The following AHI1 variants were observed in gnomAD, a reference collection of about 807,000 sequenced individuals.
AHI1 encodes Abelson helper integration site 1, also known as jouberin.
A neutral mutation model predicts 149.3 loss-of-function variants in AHI1; 123 were observed. That is an observed-to-expected ratio of 0.82 (90% confidence interval 0.71 to 0.96). AHI1 has a LOEUF of 0.96. Ranked by LOEUF, AHI1 falls within the 40% of genes least tolerant of loss-of-function variation. The probability of loss-of-function intolerance (pLI) is 0.00; values close to 1 mark genes in which losing one functional copy is unlikely to be tolerated. For synonymous variants in AHI1, 475 were observed against 459.8 expected (o/e 1.03, Z -0.42); for missense variants, 1,439 against 1,422.7 (o/e 1.01, Z -0.18).
chr6:135,306,851 G>A (rs1187033064), intron 26 of AHI1: 2 of 152,224 alleles, frequency 1.3e-5, no homozygotes, highest in African/African-American at 4.8e-5. Flanking sequence ...GAGAGGCCCG[G>A]TTTGAGAAGA....
chr6:135,393,305 T>G (rs922145248), intron 23 of AHI1, among the ~76,000 whole-genome samples: 1 of 152,206 alleles, frequency 6.6e-6, no homozygotes, highest in African/African-American at 2.4e-5. Context: ...ATTATCTATA[T>G]CTTGTTGGCA....
At position 135,405,051 on chromosome 6, in the gene AHI1, T is replaced by C. The variant is rs554397219; in HGVS notation, c.2962-74A>G. ...ATTGACTGTTTGCAAAACACTCAGA[T>C]GTTTATCTTCTAATAACCTAAATCA... On this transcript the variant is annotated intron_variant, in intron 21 of 28. Coordinates refer to ENST00000265602, the MANE Select transcript of AHI1 (RefSeq NM_001134831.2). The C allele has an allele frequency of 3.3e-5, 42 of 1,264,634 alleles. No homozygotes were observed. The African/African-American group carries it at 3.6e-4, about 11-fold the overall frequency. The allele number at this position is 1,264,634 out of a possible 1,614,324, so 78.3% of individuals were successfully genotyped here. A position where few individuals can be genotyped will look rare whatever the true frequency, so the allele number is the denominator to read the frequency against.
At position 135,357,096 on chromosome 6, in the gene AHI1, G is replaced by A. The variant is rs559472709; in HGVS notation, c.3165+1036C>T. Among the ~76,000 whole-genome samples the A allele has an allele frequency of 1.6e-3, 250 of 152,200 alleles. 1 individual carries two copies. The highest frequency in any genetic ancestry group is 5.8e-3 in the African/African-American group (240 of 41,532). On this transcript the variant is annotated intron_variant, in intron 24 of 28. Transcript: ENST00000265602. ...TGGGACTACAGGCATGCACCACCAT[G>A]CCCAGATAACTTTTTGTATTTTAGT...
At chr6:135,442,760 C>A in intron 13 of AHI1, 46 bp from the exon 14 acceptor site, 3 of 1,522,218 alleles carry the variant, frequency 2.0e-6, no homozygotes, top group Non-Finnish European at 8.9e-7. Flanking sequence ...AACATTAAAA[C>A]GCGAAGGCTA....
intron 26 of AHI1, chr6:135,301,378 C>A: frequency 1.2e-5 from 12 of 981,302 alleles, no homozygotes; most frequent in Non-Finnish European, 1.5e-5. Context: ...AACATAAAAA[C>A]AAAATGAAAT....
chr6:135,444,656 T>G (rs1457031814), intron 13 of AHI1, among the ~76,000 whole-genome samples: 1 of 152,224 alleles, frequency 6.6e-6, no homozygotes, highest in Non-Finnish European at 1.5e-5. Flanking sequence ...TGCTTTACAT[T>G]CTTGGAACAT....
chr6:135,394,601 C>G, intron 23 of AHI1, 175 bp downstream of exon 23: 1 of 881,028 alleles, frequency 1.1e-6, no homozygotes, highest in East Asian at 2.8e-5. Context: ...CAATTCCAAA[C>G]TTACTTTTGA....
chr6:135,294,697 G>GTAA lies in AHI1; in HGVS notation c.3486-4173_3486-4172insTTA, dbSNP rs1782837510. 2.1e-3 allele frequency among the ~76,000 whole-genome samples: 62 copies of GTAA among 29,016 alleles called. 1 individual carries two copies. The South Asian group carries it at 0.045, about 21-fold the overall frequency. The allele number at this position is 29,016 out of a possible 152,430, so 19.0% of individuals were successfully genotyped here. ...TGCTAGAACAACAGGATCTCCAAAT[G>GTAA]CAAAAAAAAAAAAAAAAAAAGAAAA... On this transcript the variant is annotated intron_variant, in intron 27 of 28. Coordinates refer to ENST00000265602, the MANE Select transcript of AHI1 (RefSeq NM_001134831.2).
chr6:135,302,050 G>T, intron 26 of AHI1: 1 of 966,460 alleles, frequency 1.0e-6, no homozygotes, highest in Non-Finnish European at 1.2e-6. Flanking sequence ...GGAGTACAGT[G>T]GCATGATCGT....
chr6:135,312,368 G>A (rs1234838125), intron 26 of AHI1, among the ~76,000 whole-genome samples: 1 of 152,038 alleles, frequency 6.6e-6, no homozygotes, highest in East Asian at 1.9e-4. Flanking sequence ...ACAAAAATTA[G>A]CCAGGCATGG....
intron 5 of AHI1, 151 bp downstream of exon 5, chr6:135,490,472 T>A: frequency 1.1e-6 from 1 of 900,330 alleles, no homozygotes; most frequent in Non-Finnish European, 1.7e-6. Flanking sequence ...GATTCTAATA[T>A]AAACTTTATT....
chr6:135,352,626 C>T (rs1226306930), intron 24 of AHI1, among the ~76,000 whole-genome samples: 1 of 151,416 alleles, frequency 6.6e-6, no homozygotes, highest in Non-Finnish European at 1.5e-5. Flanking sequence ...TTATTCATTT[C>T]ATATATTAGG....
At chr6:135,360,487 G>A (rs981049305) in intron 23 of AHI1, among the ~76,000 whole-genome samples, 1 of 152,094 alleles carries the variant, frequency 6.6e-6, no homozygotes, top group Non-Finnish European at 1.5e-5. Flanking sequence ...TCTTTCCTAC[G>A]TCTCCCTCCT....
intron 26 of AHI1, among the ~76,000 whole-genome samples, chr6:135,313,393 T>G (rs944144758): frequency 2.0e-5 from 3 of 152,198 alleles, no homozygotes; most frequent in Non-Finnish European, 4.4e-5. Flanking sequence ...ATATCCTCCA[T>G]GAGAACATTC....
At chr6:135,343,032 C>T (rs1790619117) in intron 24 of AHI1, among the ~76,000 whole-genome samples, 2 of 150,802 alleles carry the variant, frequency 1.3e-5, no homozygotes, top group South Asian at 4.2e-4. Context: ...AGAACTGATC[C>T]CCCCAACAAA....
intron 23 of AHI1, 83 bp downstream of exon 23, chr6:135,394,693 T>C (rs746663854): frequency 3.4e-5 from 53 of 1,549,174 alleles, no homozygotes; most frequent in Non-Finnish European, 4.6e-5. Flanking sequence ...ATGAGCTTTA[T>C]TTCTAAAGAA....
In AHI1 at chr6:135,427,292, A is replaced by G. The variant is rs773692808; in HGVS notation, c.2639T>C (p.Met880Thr). 1.1e-5 allele frequency: 17 copies of G among 1,609,286 alleles called. No individual in the cohort carries two copies. Among genetic ancestry groups the G allele is most frequent in the Non-Finnish European group, 1.1e-5 (13 of 1,176,994 alleles). Residue 880 changes from methionine (M) to threonine (T), a missense_variant, in exon 20 of 29, where the codon ATG becomes ACG. Coordinates refer to ENST00000265602, the MANE Select transcript of AHI1 (RefSeq NM_001134831.2). ...WNPETGEQVA[M>T]YSDLPFKSPI... is the part of the protein sequence containing the mutation. Reference sequence around the variant, plus strand: ...TGACTTGAATGGCAAGTCAGAATACATGGCTACTTGTTCTCCTAAATAAAA... The same window carrying G: ...TGACTTGAATGGCAAGTCAGAATACGTGGCTACTTGTTCTCCTAAATAAAA...
chr6:135,453,674 A>G (rs1224507337), intron 10 of AHI1, among the ~76,000 whole-genome samples: 1 of 152,190 alleles, frequency 6.6e-6, no homozygotes, highest in African/African-American at 2.4e-5. Context: ...TCAAATCCAA[A>G]GCAAAGTGTT....
chr6:135,438,673 C>A (rs1350730586), intron 14 of AHI1, among the ~76,000 whole-genome samples, 175 bp from the exon 15 acceptor site: 1 of 151,920 alleles, frequency 6.6e-6, no homozygotes, highest in South Asian at 2.1e-4. Flanking sequence ...TTTTCTTTTG[C>A]TTTACACAAA....
Sources: gnomAD v4.1 joint callset for allele counts (sites outside exome capture counted in the v4.1 genomes callset) on GRCh38, gnomAD v4.1.1 for gene constraint, MANE v1.5 for transcripts, NCBI Gene and HGNC (gene_info 2026-07-23, HGNC 2026-07-21) for gene names.